Variants in HERC2 observed in about 807,000 individuals in gnomAD.
The protein encoded by HERC2 is HECT and RLD domain containing E3 ubiquitin protein ligase 2, also known as E3 ubiquitin-protein ligase HERC2.
In HERC2, 102 loss-of-function variants were observed where a neutral mutation model predicts 537.7. The ratio of observed to expected loss-of-function variants is 0.19; its 90% CI spans 0.16 to 0.22. The LOEUF is 0.22. Ranked by LOEUF, HERC2 falls within the 10% of genes least tolerant of loss-of-function variation. The pLI is 1.00. For synonymous variants in HERC2, 2,224 were observed against 2,466.2 expected, an observed-to-expected ratio of 0.90 and a Z score of 2.91; for missense variants, 4,236 against 6,198.2, an observed-to-expected ratio of 0.68 and a Z score of 10.63.
chr15:28,191,125 A>G lies in HERC2; in HGVS notation c.8557+14T>C. The G allele has an allele frequency of 6.3e-7, 1 of 1,598,332 alleles. No individual in the cohort carries two copies. Among genetic ancestry groups the G allele is most frequent in the South Asian group, 1.1e-5 (1 of 90,716 alleles). On this transcript the variant is annotated intron_variant, in intron 54 of 92. Coordinates refer to ENST00000261609, the MANE Select transcript of HERC2 (RefSeq NM_004667.6). ...ATAGAAGGTACTTCTTTTTAGGTAA[A>G]CTAACTGAATTACCTGACACTACAA...
At chr15:28,123,048 A>G (rs1889100927) in intron 85 of HERC2, among the ~76,000 whole-genome samples, 1 of 152,202 alleles carries the variant, frequency 6.6e-6, no homozygotes, top group Admixed American at 6.5e-5. Context: ...AATTGAAATT[A>G]TGTTTCCTAT....
chr15:28,304,513 AC>A (rs2076726026), intron 2 of HERC2, among the ~76,000 whole-genome samples: 1 of 151,404 alleles, frequency 6.6e-6, no homozygotes. Flanking sequence ...GACAACAGAC[AC>A]CCGCCACCAC....
chr15:28,112,770 A>G (rs1887789031), intron 92 of HERC2, among the ~76,000 whole-genome samples: 1 of 152,182 alleles, frequency 6.6e-6, no homozygotes, highest in East Asian at 1.9e-4. Context: ...GACTCACCTA[A>G]TTCGACCAGA....
chr15:28,279,783 A>C (rs1334829432), intron 5 of HERC2, among the ~76,000 whole-genome samples: 2 of 152,166 alleles, frequency 1.3e-5, no homozygotes, highest in East Asian at 3.9e-4. Flanking sequence ...ACTGCACCCC[A>C]GCCTGGGTGA....
At chr15:28,289,822 G>A (rs2076262797) in intron 4 of HERC2, among the ~76,000 whole-genome samples, 1 of 152,212 alleles carries the variant, frequency 6.6e-6, no homozygotes, top group Non-Finnish European at 1.5e-5. Flanking sequence ...CTTGTGCAGT[G>A]AGAGGACGAC....
intron 70 of HERC2, among the ~76,000 whole-genome samples, chr15:28,148,885 G>A (rs1339083207): frequency 2.0e-5 from 3 of 146,758 alleles, no homozygotes; most frequent in African/African-American, 7.6e-5. Flanking sequence ...CCACACAAAC[G>A]TATATTCTAG....
chr15:28,189,388 A>C (rs1359002357), intron 55 of HERC2, among the ~76,000 whole-genome samples: 2 of 152,216 alleles, frequency 1.3e-5, no homozygotes, highest in African/African-American at 2.4e-5. Flanking sequence ...TAAAGTAAAA[A>C]CATCCTCTGA....
At chr15:28,295,888 T>G (rs369055949) in intron 3 of HERC2, among the ~76,000 whole-genome samples, 1 of 152,132 alleles carries the variant, frequency 6.6e-6, no homozygotes, top group African/African-American at 2.4e-5. Context: ...CCCATGGCTA[T>G]GACAGAGACC....
Position 28,124,193 on chromosome 15 carries a change from A to G in HERC2, c.13032T>C (p.Ile4344=), listed in dbSNP as rs1889226836. 6 of 1,545,624 alleles carry G rather than the reference A, an allele frequency of 3.9e-6. No homozygotes were observed. The highest frequency in any genetic ancestry group is 5.3e-6 in the Non-Finnish European group (6 of 1,142,658). The stretch of plus-strand genomic sequence containing the variant: ...GCAGCAGCAGACGGTTCCTCAGCGC[A>G]ATGATGGGGATCTCCTGCAGGTGAT... ...EYNHLQEIPI[I]ALRNRLLLLH... is the part of the protein sequence containing the mutation. The change falls in exon 85 of 93, where the codon ATT becomes ATC. Residue 4344 remains isoleucine, a synonymous_variant. Transcript: ENST00000261609.
chr15:28,282,708 C>T (rs1166903896), intron 4 of HERC2, among the ~76,000 whole-genome samples: 4 of 152,034 alleles, frequency 2.6e-5, no homozygotes, highest in African/African-American at 7.2e-5. Context: ...CCGAGGCAGG[C>T]GGATCACAAG....
At chr15:28,303,511 G>A (rs1357085505) in intron 2 of HERC2, among the ~76,000 whole-genome samples, 2 of 152,114 alleles carry the variant, frequency 1.3e-5, no homozygotes, top group African/African-American at 4.8e-5. Context: ...TTTTTGCTCA[G>A]GATGGCTTTG....
At position 28,229,226 on chromosome 15, in the gene HERC2, C is replaced by T; in HGVS notation, c.5241G>A (p.Leu1747=). ...CTTTAAATTTGGCACTGGCATCCAT[C>T]AAAACATTTCGAATGTTCTGTACAG... ...AWAVQNIRNV[L]MDASAKFKEL... is the part of the protein sequence containing the mutation. Residue 1747 remains leucine (L), a synonymous_variant, in exon 34 of 93, where the codon TTG becomes TTA. Transcript: ENST00000261609. The T allele has an allele frequency of 6.2e-7, 1 of 1,613,368 alleles. No individual in the cohort carries two copies.
intron 83 of HERC2, among the ~76,000 whole-genome samples, chr15:28,125,516 C>A (rs1344883346): frequency 6.6e-6 from 1 of 152,174 alleles, no homozygotes; most frequent in Non-Finnish European, 1.5e-5. Context: ...CAGGACTAGG[C>A]ATGAACAGCA....
chr15:28,310,887 C>A (rs983843294), intron 2 of HERC2, among the ~76,000 whole-genome samples: 1 of 151,772 alleles, frequency 6.6e-6, no homozygotes, highest in Non-Finnish European at 1.5e-5. Flanking sequence ...ACCATCCCGG[C>A]TAACACAGCG....
intron 2 of HERC2, among the ~76,000 whole-genome samples, chr15:28,317,040 G>A (rs2077106901): frequency 6.6e-6 from 1 of 152,100 alleles, no homozygotes; most frequent in Non-Finnish European, 1.5e-5. Context: ...ATTACAGGCT[G>A]AGCCACCACA....
intron 89 of HERC2, among the ~76,000 whole-genome samples, chr15:28,115,011 GC>G (rs1160764178): frequency 1.3e-5 from 2 of 150,740 alleles, no homozygotes; most frequent in Non-Finnish European, 3.0e-5. Context: ...TCACAATTCA[GC>G]CAAATGCTTA....
intron 2 of HERC2, among the ~76,000 whole-genome samples, chr15:28,311,076 CAAAAAAAAAAAAAA>C (rs71132854): frequency 2.7e-3 from 80 of 29,282 alleles, no homozygotes; most frequent in African/African-American, 0.01. Flanking sequence ...GACTGCATCT[CAAAAAAAAAAAAAA>C]AAAAAAAAAA....
rs369123124 is a variant in HERC2 at position 28,198,602 on chromosome 15, T to C, written c.7884A>G (p.Ile2628Met). 16 of 1,612,784 alleles carry C rather than the reference T, an allele frequency of 9.9e-6. No individual in the cohort carries two copies. The highest frequency in any genetic ancestry group is 1.3e-5 in the Non-Finnish European group (15 of 1,179,348). Residue 2628 changes from isoleucine to methionine, a missense_variant and splice_region_variant, in exon 49 of 93, where the codon ATA becomes ATG. Transcript: ENST00000261609. The stretch of plus-strand genomic sequence containing the variant: ...GCACTGAACAAAGAATGTGCTCACC[T>C]ATAAGTTCCACATGAATGTACCTAA... ...YWVRYIHVEL[I>M]GYPPPSSSSH...
At chr15:28,210,888 G>T (rs1426105049) in intron 44 of HERC2, 114 bp downstream of exon 44, 5 of 1,074,884 alleles carry the variant, frequency 4.7e-6, no homozygotes, top group Non-Finnish European at 7.2e-6. Context: ...CCACATGTCT[G>T]TCTTGTACAT....
Sources: gnomAD v4.1 joint callset for allele counts (sites outside exome capture counted in the v4.1 genomes callset) on GRCh38, gnomAD v4.1.1 for gene constraint, MANE v1.5 for transcripts, NCBI Gene and HGNC (gene_info 2026-07-23, HGNC 2026-07-21) for gene names.